ATAD3B: variants seen among roughly 807,000 people sequenced by gnomAD.
ATAD3B encodes the protein ATPase family AAA domain containing 3B, also known as ATPase family AAA domain-containing protein 3B.
In ATAD3B, 59 loss-of-function variants were observed where a neutral mutation model predicts 70.2. That is an observed-to-expected ratio of 0.84 (90% CI 0.68 to 1.04). The LOEUF is 1.04. ATAD3B is among the 50% of genes least tolerant of loss of function. The pLI is 0.00. For missense variants in ATAD3B, 961 were observed against 913.4 expected, an observed-to-expected ratio of 1.05 and a Z score of -0.67; for synonymous variants, 423 against 388.6, an observed-to-expected ratio of 1.09 and a Z score of -1.04.
the ATAD3B span, chr1:1,503,223 CAAAA>C: frequency 3.7e-4 from 40 of 108,872 alleles, no homozygotes; most frequent in South Asian, 1.1e-3. Context: ...GATTCCGTCT[CAAAA>C]AAAAAAAAAA....
In ATAD3B at chr1:1,495,939, T is replaced by C. The variant is rs1640772679; in HGVS notation, c.*122T>C. 3.5e-6 allele frequency: 5 copies of C among 1,412,626 alleles called. No individual in the cohort carries two copies. Among genetic ancestry groups the C allele is most frequent in the Non-Finnish European group, 3.7e-6 (4 of 1,085,942 alleles). 87.5% of individuals were successfully genotyped at this position (1,412,626 alleles called of 1,614,324 possible). ...GTACCCCAGCCCCTGCCCAGGCCAC[T>C]GTGAGGGTGGGTGCTGGCTGAGCCC... On this transcript the variant is annotated 3_prime_UTR_variant, in exon 16 of 16. Coordinates refer to ENST00000673477, the MANE Select transcript of ATAD3B (RefSeq NM_031921.6).
intron 7 of ATAD3B, among the ~76,000 whole-genome samples, chr1:1,483,319 T>C (rs1640024959): frequency 6.6e-6 from 1 of 151,190 alleles, no homozygotes; most frequent in Admixed American, 6.6e-5. Context: ...ATACAAAAAT[T>C]AGCAGGCCAA....
intron 12 of ATAD3B, 125 bp from the exon 13 acceptor site, chr1:1,489,079 T>C: frequency 1.3e-6 from 2 of 1,519,796 alleles, no homozygotes; most frequent in Non-Finnish European, 1.8e-6. Flanking sequence ...GGATTTTGAG[T>C]TTAGATCCAT....
Position 1,480,908 on chromosome 1 carries a change from C to A in ATAD3B, c.486C>A (p.Ser162=), listed in dbSNP as rs770639132. Residue 162 remains serine, a synonymous_variant, in exon 5 of 16, where the codon TCC becomes TCA. Transcript: ENST00000673477. ...AGAATTTACGGAAGCAGGAGGAGTC[C>A]GTGCAGAAGCAGGAAGCCATGCGGC... ...NEENLRKQEE[S]VQKQEAMRRA... 1 of 1,593,086 alleles carries A rather than the reference C, an allele frequency of 6.3e-7. No homozygotes were observed. The highest frequency in any genetic ancestry group is 2.3e-5 in the East Asian group (1 of 43,110).
chr1:1,500,880 C>G (rs554707068), downstream of ATAD3B, among the ~76,000 whole-genome samples: 232 of 151,974 alleles, frequency 1.5e-3, no homozygotes, highest in African/African-American at 5.4e-3. Context: ...TGGCATGAAC[C>G]CGGGAGGCGG....
intron 13 of ATAD3B, 157 bp from the exon 14 acceptor site, chr1:1,490,100 G>T (rs1348529864): frequency 1.8e-5 from 26 of 1,432,060 alleles, no homozygotes; most frequent in African/African-American, 8.6e-5. Context: ...CGGGTGACCA[G>T]GGCTGTGGCT....
At position 1,497,144 on chromosome 1, in the gene ATAD3B, G is replaced by C. The variant is rs1311372353; in HGVS notation, c.*1327G>C. On this transcript the variant is annotated 3_prime_UTR_variant, in exon 16 of 16. Transcript: ENST00000673477. ...AGACCCCTCGGAGCTGCAGTGCTTG[G>C]AGGGGGGCGGTCTACCTCTGCTCGC... The C allele has an allele frequency of 2.6e-5, 4 of 152,256 alleles. No homozygotes were observed. The highest frequency in any genetic ancestry group is 2.0e-4 in the Admixed American group (3 of 15,236). The allele number at this position is 152,256 out of a possible 1,614,324, so 9.4% of individuals were successfully genotyped here. A position where few individuals can be genotyped will look rare whatever the true frequency, so the allele number is the denominator to read the frequency against.
rs1427906306 is a variant in ATAD3B, at chr1:1,479,249, G to C, written c.444+141G>C. On this transcript the variant is annotated intron_variant, in intron 4 of 15. Coordinates refer to ENST00000673477, the MANE Select transcript of ATAD3B (RefSeq NM_031921.6). ...GTGCTAGAGCAGGGGAAACTACTCG[G>C]ACAGACACGCACCAGCACACGTGTA... The C allele has an allele frequency of 3.6e-5, 37 of 1,015,348 alleles. 1 individual carries two copies. Among genetic ancestry groups the C allele is most frequent in the Non-Finnish European group, 5.0e-5 (35 of 693,216 alleles). 62.9% of individuals were successfully genotyped at this position (1,015,348 alleles called of 1,614,324 possible). A position where few individuals can be genotyped will look rare whatever the true frequency, so the allele number is the denominator to read the frequency against.
chr1:1,501,928 G>A (rs757160498), downstream of ATAD3B, among the ~76,000 whole-genome samples: 2 of 151,974 alleles, frequency 1.3e-5, no homozygotes, highest in Non-Finnish European at 2.9e-5. Context: ...GCCGAGGCTG[G>A]AGTATAGTGT....
Position 1,482,598 on chromosome 1 carries a change from A to G in ATAD3B, c.734A>G (p.Asp245Gly), listed in dbSNP as rs1286615163. ...TTCCGTGCCTTTGTGACAGACCGGG[A>G]CAAAGTGACAGCCACGGTAAACATA... ...EGFRAFVTDR[D>G]KVTATVAGLT... The change falls in exon 7 of 16, where the codon GAC (aspartate) becomes GGC (glycine). Residue 245 changes from aspartate (D) to glycine (G), a missense_variant. Coordinates refer to ENST00000673477, the MANE Select transcript of ATAD3B (RefSeq NM_031921.6). 5 of 1,613,342 alleles carry G rather than the reference A, an allele frequency of 3.1e-6. 1 individual carries two copies. Among genetic ancestry groups the G allele is most frequent in the South Asian group, 2.2e-5 (2 of 90,982 alleles).
chr1:1,503,584 G>A, the ATAD3B span: 1 of 1,610,984 alleles, frequency 6.2e-7, no homozygotes, highest in Non-Finnish European at 8.5e-7. Context: ...GTGCCTGCAG[G>A]CCACATCAAA....
In ATAD3B at chr1:1,495,660, G is replaced by A. The variant is rs745628384; in HGVS notation, c.1790G>A (p.Ser597Asn). 6 of 1,612,964 alleles carry A rather than the reference G, an allele frequency of 3.7e-6. No homozygotes were observed. Among genetic ancestry groups the A allele is most frequent in the East Asian group, 4.5e-5 (2 of 44,868 alleles). The change falls in exon 16 of 16, where the codon AGC becomes AAC. Residue 597 changes from serine (S) to asparagine (N), a missense_variant. Physicochemically the swap from Ser to Asn is conservative, Grantham distance 46. Around this residue, in one of 4 missense-constraint regions of ATAD3B, gnomAD observed 417 missense variants for 335.0 expected, o/e 1.24. Transcript: ENST00000673477. ...GVQGETLTSW[S>N]LATDPSYPCL... ...CAAGGCGAGACCCTCACCTCATGGA[G>A]CCTGGCCACGGACCCCTCCTACCCC...
Position 1,485,056 on chromosome 1 carries a change from C to T in ATAD3B, c.791C>T (p.Ala264Val), listed in dbSNP as rs1043463670. The T allele has an allele frequency of 6.2e-6, 10 of 1,606,124 alleles. No homozygotes were observed. In the African/African-American group the frequency reaches 1.2e-4, roughly 19 times the overall value. The change falls in exon 8 of 16, where the codon GCC (alanine) becomes GTC (valine). Residue 264 changes from alanine to valine, a missense_variant. This residue lies in a region of ATAD3B where 349 missense variants were observed against 307.5 expected (regional missense o/e 1.14). Transcript: ENST00000673477. ...CTGCTGGCTGTCGGGGTCTACTCAG[C>T]CAAGAATGCGACAGCCGTCACTGGC... is the stretch of plus-strand genomic sequence containing the variant. Reference protein sequence around the residue: ...LTLLAVGVYSAKNATAVTGRF... With the variant: ...LTLLAVGVYSVKNATAVTGRF...
chr1:1,478,377 GAAAC>G (rs1170784241), intron 2 of ATAD3B: 1 of 1,459,826 alleles, frequency 6.9e-7, no homozygotes, highest in Admixed American at 2.4e-5. Flanking sequence ...GAGCTGCCCA[GAAAC>G]AGCCTTGTGG....
chr1:1,487,348 C>T (rs999496569), intron 11 of ATAD3B, among the ~76,000 whole-genome samples: 1 of 151,800 alleles, frequency 6.6e-6, no homozygotes, highest in African/African-American at 2.4e-5. Flanking sequence ...ATTAGCCAGG[C>T]ATGGTGGTGG....
the ATAD3B span, among the ~76,000 whole-genome samples, chr1:1,504,952 G>A: frequency 1.3e-5 from 2 of 152,118 alleles, no homozygotes; most frequent in Non-Finnish European, 1.5e-5. Flanking sequence ...GTGTGTGTGC[G>A]CGCCAGGCAC....
At chr1:1,474,931 T>C (rs2100519410) in intron 1 of ATAD3B, among the ~76,000 whole-genome samples, 1 of 150,490 alleles carries the variant, frequency 6.6e-6, no homozygotes, top group African/African-American at 2.5e-5. Flanking sequence ...CTTTGTGTCC[T>C]AGTTCCTGGG....
chr1:1,490,192 C>A, intron 13 of ATAD3B, 65 bp from the exon 14 acceptor site: 1 of 1,578,688 alleles, frequency 6.3e-7, no homozygotes, highest in Non-Finnish European at 8.6e-7. Flanking sequence ...CTGAGGAGCC[C>A]CCGTTGCCCT....
At chr1:1,490,158 T>C in intron 13 of ATAD3B, 99 bp from the exon 14 acceptor site, 2 of 1,519,294 alleles carry the variant, frequency 1.3e-6, no homozygotes, top group Non-Finnish European at 1.8e-6. Context: ...CTTTAGATTC[T>C]CCCAAAAAGT....
Sources: gnomAD v4.1 joint callset for allele counts (sites outside exome capture counted in the v4.1 genomes callset) on GRCh38, gnomAD v4.1.1 for gene constraint, gnomAD v4.1.1 regional missense constraint, MANE v1.5 for transcripts, NCBI Gene and HGNC (gene_info 2026-07-23, HGNC 2026-07-21) for gene names.